DDC: variants seen among roughly 807,000 people sequenced by gnomAD.
DDC encodes the protein aromatic-L-amino-acid decarboxylase.
In DDC, 43 loss-of-function variants were observed where a neutral mutation model predicts 60.0. That is an observed-to-expected ratio of 0.72 (90% CI 0.56 to 0.92). DDC has a LOEUF of 0.92. Among genes scored for constraint, DDC ranks in the 40% least tolerant of loss-of-function variants. The pLI, the probability that DDC is intolerant of heterozygous loss-of-function variation, is 0.00. For missense variants in DDC, 573 were observed against 620.2 expected (o/e 0.92, Z 0.81); for synonymous variants, 232 against 234.6 (o/e 0.99, Z 0.10).
intron 1 of DDC, among the ~76,000 whole-genome samples, chr7:50,551,955 T>A (rs2045011227): frequency 6.6e-6 from 1 of 152,052 alleles, no homozygotes; most frequent in African/African-American, 2.4e-5. Context: ...TGGGAAAGAT[T>A]CAGAAAGACG....
At chr7:50,510,933 A>G (rs1303568132) in intron 6 of DDC, among the ~76,000 whole-genome samples, 1 of 145,370 alleles carries the variant, frequency 6.9e-6, no homozygotes, top group Non-Finnish European at 1.5e-5. Flanking sequence ...GTGAGCCGAG[A>G]TAGCGCCACT....
chr7:50,512,478 A>G (rs569146106), intron 6 of DDC, among the ~76,000 whole-genome samples: 1 of 152,338 alleles, frequency 6.6e-6, no homozygotes, highest in East Asian at 1.9e-4. Context: ...ACAGGAAAAT[A>G]CAGTTAATTT....
intron 12 of DDC, 94 bp downstream of exon 12, chr7:50,469,979 C>CAA (rs11378977): frequency 0.037 from 25,812 of 689,748 alleles, no homozygotes; most frequent in Non-Finnish European, 0.044. Context: ...AACTCTGTCT[C>CAA]AAAAAAAAAA....
chr7:50,503,915 A>G, intron 7 of DDC, 78 bp downstream of exon 7: 1 of 1,002,576 alleles, frequency 1.0e-6, no homozygotes, highest in Non-Finnish European at 1.6e-6. Flanking sequence ...GACAAGAAAG[A>G]GATCAACGAG....
At chr7:50,492,856 GC>G in intron 9 of DDC, 2 of 1,562,386 alleles carry the variant, frequency 1.3e-6, no homozygotes, top group South Asian at 2.3e-5. Flanking sequence ...CCGCCAACTT[GC>G]TGGCATCAGC....
chr7:50,516,055 A>G (rs2043719146), intron 6 of DDC, among the ~76,000 whole-genome samples: 1 of 152,204 alleles, frequency 6.6e-6, no homozygotes, highest in African/African-American at 2.4e-5. Flanking sequence ...ATGGATTTAA[A>G]CTATATCCTG....
intron 6 of DDC, among the ~76,000 whole-genome samples, chr7:50,511,205 T>C (rs2043568191): frequency 2.0e-5 from 3 of 151,572 alleles, no homozygotes; most frequent in South Asian, 2.1e-4. Context: ...ATTACATTTA[T>C]ATTTATTTAT....
chr7:50,557,053 T>C (rs964847892), intron 1 of DDC, among the ~76,000 whole-genome samples: 1 of 152,166 alleles, frequency 6.6e-6, no homozygotes, highest in Non-Finnish European at 1.5e-5. Context: ...CAATTATTAT[T>C]ATTGATGCTA....
chr7:50,503,904 C>T (rs990731362), intron 7 of DDC, 89 bp downstream of exon 7: 29 of 949,978 alleles, frequency 3.1e-5, no homozygotes, highest in African/African-American at 3.2e-5. Context: ...ATGAAGTTAA[C>T]GACAAGAAAG....
At chr7:50,544,358 C>T (rs775906737) in intron 1 of DDC, among the ~76,000 whole-genome samples, 10 of 152,316 alleles carry the variant, frequency 6.6e-5, no homozygotes, top group African/African-American at 9.6e-5. Flanking sequence ...AACACAACGT[C>T]GCTTTATTTC....
At chr7:50,473,779 G>A (rs1300847290) in intron 11 of DDC, among the ~76,000 whole-genome samples, 1 of 152,250 alleles carries the variant, frequency 6.6e-6, no homozygotes, top group East Asian at 1.9e-4. Context: ...GGCAAGAGGA[G>A]AGCTGGCAGG....
intron 6 of DDC, among the ~76,000 whole-genome samples, chr7:50,506,226 C>A (rs546456725): frequency 6.6e-6 from 1 of 152,136 alleles, no homozygotes; most frequent in Non-Finnish European, 1.5e-5. Flanking sequence ...AGGATAGTAG[C>A]CCAGAGTGTG....
intron 9 of DDC, chr7:50,492,684 A>G (rs866666526): frequency 5.0e-6 from 6 of 1,202,892 alleles, no homozygotes; most frequent in East Asian, 3.7e-5. Flanking sequence ...CTACAAGGAA[A>G]TTTTCCAAAT....
intron 6 of DDC, among the ~76,000 whole-genome samples, chr7:50,527,019 AGATT>A (rs565636117): frequency 0.42 from 64,248 of 151,856 alleles, 14,637 homozygotes; most frequent in Non-Finnish European, 0.52. Flanking sequence ...TCATAGTGTG[AGATT>A]TTTAACATAC....
intron 11 of DDC, among the ~76,000 whole-genome samples, chr7:50,476,177 T>C (rs916577775): frequency 6.6e-6 from 1 of 152,222 alleles, no homozygotes; most frequent in African/African-American, 2.4e-5. Context: ...CATTCAACAC[T>C]TGTTTCAAAT....
intron 1 of DDC, among the ~76,000 whole-genome samples, chr7:50,556,840 C>T (rs1349890902): frequency 6.6e-6 from 1 of 150,426 alleles, no homozygotes; most frequent in Non-Finnish European, 1.5e-5. Context: ...CAGGACAGTC[C>T]TCCTCCTCCT....
intron 7 of DDC, among the ~76,000 whole-genome samples, 198 bp downstream of exon 7, chr7:50,503,795 G>C (rs1171079629): frequency 2.0e-5 from 3 of 152,164 alleles, no homozygotes; most frequent in African/African-American, 7.2e-5. Context: ...ACTAAGCTCA[G>C]TTCTTTTCCA....
chr7:50,559,267 G>A (rs1335912354), intron 1 of DDC, among the ~76,000 whole-genome samples: 1 of 152,072 alleles, frequency 6.6e-6, no homozygotes, highest in African/African-American at 2.4e-5. Flanking sequence ...AGAAGACCAG[G>A]ACCCTCTGCT....
intron 3 of DDC, among the ~76,000 whole-genome samples, chr7:50,538,838 G>A (rs574292070): frequency 6.6e-6 from 1 of 152,376 alleles, no homozygotes; most frequent in South Asian, 2.1e-4. Context: ...GATAGAAAAT[G>A]CTCTTTAGGA....
Sources: gnomAD v4.1 joint callset for allele counts (sites outside exome capture counted in the v4.1 genomes callset) on GRCh38, gnomAD v4.1.1 for gene constraint, MANE v1.5 for transcripts, NCBI Gene and HGNC (gene_info 2026-07-23, HGNC 2026-07-21) for gene names.